Variants in ALDH1A2 observed in about 807,000 individuals in gnomAD.
The protein encoded by ALDH1A2 is retinal dehydrogenase 2.
Under a neutral mutation model 60.3 loss-of-function variants are expected in ALDH1A2, and 27 were observed. The ratio of observed to expected loss-of-function variants is 0.45; its 90% CI spans 0.33 to 0.62. The LOEUF is 0.62. Ranked by LOEUF, ALDH1A2 falls within the 20% of genes least tolerant of loss-of-function variation. ALDH1A2 has a pLI of 0.02. For missense variants in ALDH1A2, 581 were observed against 643.8 expected, an observed-to-expected ratio of 0.90 and a Z score of 1.06; for synonymous variants, 289 against 232.4, an observed-to-expected ratio of 1.24 and a Z score of -2.21.
At chr15:57,990,537 T>A (rs1302854141) in intron 7 of ALDH1A2, 3 of 152,124 alleles carry the variant, frequency 2.0e-5, no homozygotes, top group African/African-American at 7.2e-5. Flanking sequence ...TGACAAGGTG[T>A]TATCTCTTGT....
chr15:58,047,340 T>C (rs1044510753), intron 1 of ALDH1A2, among the ~76,000 whole-genome samples: 2 of 152,038 alleles, frequency 1.3e-5, no homozygotes, highest in African/African-American at 4.8e-5. Context: ...TAAACTGTTT[T>C]CATTCCTCAT....
chr15:58,034,103 GCTTC>G (rs1382934799), intron 1 of ALDH1A2, among the ~76,000 whole-genome samples: 2 of 151,438 alleles, frequency 1.3e-5, no homozygotes, highest in Non-Finnish European at 3.0e-5. Flanking sequence ...AATAATTGAG[GCTTC>G]CTATCGATAG....
intron 4 of ALDH1A2, 150 bp downstream of exon 4, chr15:58,010,499 G>C: frequency 1.1e-6 from 1 of 879,296 alleles, no homozygotes; most frequent in Non-Finnish European, 1.7e-6. Flanking sequence ...CAGAGTCAGT[G>C]ACATAATTTG....
Position 58,065,598 on chromosome 15 carries a change from G to T in ALDH1A2, c.53C>A (p.Ala18Asp). ...CAGGAGGTGCAGCGACGCCATGAGG[G>T]CGGCGGGGTCGGCCTTCACCTCGCC... ...MPGEVKADPA[A>D]LMASLHLLPS... Residue 18 changes from alanine (A) to aspartate (D), a missense_variant, in exon 1 of 13, where the codon GCC becomes GAC. Physicochemically the swap from Ala to Asp is moderately radical, Grantham distance 126. Around this residue, in one of 2 missense-constraint regions of ALDH1A2, gnomAD observed 206 missense variants for 174.1 expected, o/e 1.18. Coordinates refer to ENST00000249750, the MANE Select transcript of ALDH1A2 (RefSeq NM_003888.4). The T allele has an allele frequency of 1.2e-6, 2 of 1,612,242 alleles. No homozygotes were observed. The highest frequency in any genetic ancestry group is 1.7e-6 in the Non-Finnish European group (2 of 1,179,008).
chr15:57,988,429 A>C (rs1374810450), intron 7 of ALDH1A2, among the ~76,000 whole-genome samples: 1 of 152,248 alleles, frequency 6.6e-6, no homozygotes, highest in East Asian at 1.9e-4. Flanking sequence ...AAACAAATCA[A>C]AATGGGGGAT....
chr15:58,021,305 C>T (rs141877473), intron 1 of ALDH1A2, among the ~76,000 whole-genome samples: 1 of 152,238 alleles, frequency 6.6e-6, no homozygotes, highest in East Asian at 1.9e-4. Context: ...GACAGTCACA[C>T]TTCAAATATA....
chr15:58,010,305 T>C (rs565289211), intron 4 of ALDH1A2, among the ~76,000 whole-genome samples: 3 of 152,132 alleles, frequency 2.0e-5, no homozygotes, highest in Admixed American at 1.3e-4. Context: ...CTTAACCTCG[T>C]TGGAATTTTC....
At chr15:58,014,487 C>G (rs762095307) in intron 1 of ALDH1A2, 4 of 616,826 alleles carry the variant, frequency 6.5e-6, no homozygotes, top group Middle Eastern at 2.5e-4. Flanking sequence ...CAAAGGCTAA[C>G]TACAGTTCTT....
chr15:57,986,674 A>ATAT (rs1179850125), intron 7 of ALDH1A2, among the ~76,000 whole-genome samples: 23 of 150,392 alleles, frequency 1.5e-4, no homozygotes, highest in East Asian at 7.9e-4. Flanking sequence ...TTTCATTATT[A>ATAT]TATTATTATT....
At chr15:58,054,570 A>G (rs1037963148) in intron 1 of ALDH1A2, among the ~76,000 whole-genome samples, 4 of 152,106 alleles carry the variant, frequency 2.6e-5, no homozygotes, top group Non-Finnish European at 4.4e-5. Flanking sequence ...GATGGAACAT[A>G]CCCACCCAAC....
intron 1 of ALDH1A2, among the ~76,000 whole-genome samples, chr15:58,059,349 T>C (rs894965101): frequency 2.0e-5 from 3 of 152,194 alleles, no homozygotes; most frequent in Non-Finnish European, 4.4e-5. Context: ...GCTTTCAAAA[T>C]AGCCACGGCC....
intron 7 of ALDH1A2, among the ~76,000 whole-genome samples, chr15:57,985,384 G>T (rs1482828471): frequency 2.0e-5 from 3 of 152,116 alleles, no homozygotes; most frequent in Non-Finnish European, 4.4e-5. Flanking sequence ...CCCTTCTTGA[G>T]ATGCTGATGT....
chr15:58,041,296 T>C (rs1408505142), intron 1 of ALDH1A2, among the ~76,000 whole-genome samples: 4 of 151,878 alleles, frequency 2.6e-5, no homozygotes, highest in Admixed American at 2.6e-4. Context: ...CATATCTAAA[T>C]ATAGATTGGA....
At chr15:58,052,557 CT>C (rs1896803178) in intron 1 of ALDH1A2, among the ~76,000 whole-genome samples, 1 of 152,110 alleles carries the variant, frequency 6.6e-6, no homozygotes, top group Non-Finnish European at 1.5e-5. Flanking sequence ...CCTCTGCTTC[CT>C]GTTACCAGGA....
chr15:57,958,187 T>TCTCTGTATGCATGCGTGTACA (rs1337733947), intron 12 of ALDH1A2, among the ~76,000 whole-genome samples: 1 of 146,952 alleles, frequency 6.8e-6, no homozygotes, highest in Non-Finnish European at 1.5e-5. Context: ...GGAGGTGACT[T>TCTCTGTATGCATGCGTGTACA]CTCTGTATGC....
intron 12 of ALDH1A2, among the ~76,000 whole-genome samples, chr15:57,959,814 G>C (rs1223768018): frequency 2.0e-5 from 3 of 152,064 alleles, no homozygotes; most frequent in Admixed American, 2.0e-4. Context: ...AGTTTTGCTT[G>C]GGAGCTTGAA....
intron 1 of ALDH1A2, among the ~76,000 whole-genome samples, chr15:58,049,670 A>G (rs927908752): frequency 6.6e-6 from 1 of 152,030 alleles, no homozygotes; most frequent in Admixed American, 6.6e-5. Flanking sequence ...GGTCTCCCCA[A>G]ATGTCTGATC....
At chr15:57,961,010 G>A (rs1893698929) in intron 11 of ALDH1A2, 127 bp downstream of exon 11, 2 of 1,370,256 alleles carry the variant, frequency 1.5e-6, no homozygotes, top group Admixed American at 1.8e-5. Context: ...AGTAAGGAGT[G>A]TACCCCTTTT....
At chr15:58,054,306 G>T (rs1483222771) in intron 1 of ALDH1A2, among the ~76,000 whole-genome samples, 1 of 152,176 alleles carries the variant, frequency 6.6e-6, no homozygotes, top group Non-Finnish European at 1.5e-5. Context: ...TAAAAGTGAA[G>T]TCAGAGAAAT....
Sources: allele counts gnomAD v4.1 joint callset (sites outside exome capture counted in the v4.1 genomes callset), GRCh38; gene constraint gnomAD v4.1.1; regional missense constraint gnomAD v4.1.1; transcripts MANE v1.5; gene names NCBI Gene and HGNC (gene_info 2026-07-23, HGNC 2026-07-21).